The following ADAM12 variants were observed in gnomAD, a reference collection of about 807,000 sequenced individuals.
ADAM12 encodes the protein ADAM metallopeptidase domain 12, also known as disintegrin and metalloproteinase domain-containing protein 12.
ADAM12 carries 70 observed loss-of-function variants against 106.4 expected under a neutral mutation model. That is an observed-to-expected ratio of 0.66 (90% CI 0.54 to 0.80). The LOEUF is 0.80. Ranked by LOEUF, ADAM12 falls within the 30% of genes least tolerant of loss-of-function variation. The pLI, the probability that ADAM12 is intolerant of heterozygous loss-of-function variation, is 0.00. For synonymous variants in ADAM12, 420 were observed against 433.5 expected (o/e 0.97, Z 0.39); for missense variants, 1,010 against 1,171.9 (o/e 0.86, Z 2.02).
chr10:126,278,141 A>G (rs1181718416), intron 3 of ADAM12, among the ~76,000 whole-genome samples: 1 of 152,190 alleles, frequency 6.6e-6, no homozygotes, highest in Non-Finnish European at 1.5e-5. Flanking sequence ...ATTTTGACCA[A>G]GCAGGACTTG....
intron 3 of ADAM12, among the ~76,000 whole-genome samples, chr10:126,237,440 A>C (rs1013343675): frequency 6.6e-6 from 1 of 152,158 alleles, no homozygotes; most frequent in Non-Finnish European, 1.5e-5. Context: ...CATTTCATCT[A>C]TGGCAGCACC....
intron 3 of ADAM12, among the ~76,000 whole-genome samples, chr10:126,277,243 G>A (rs963481780): frequency 1.3e-5 from 2 of 152,048 alleles, no homozygotes; most frequent in African/African-American, 4.8e-5. Flanking sequence ...TCTTCACTGG[G>A]TATGTATATT....
intron 3 of ADAM12, among the ~76,000 whole-genome samples, chr10:126,231,749 C>A (rs1021097905): frequency 1.3e-5 from 2 of 152,206 alleles, no homozygotes; most frequent in African/African-American, 4.8e-5. Flanking sequence ...TGCCTCGGGG[C>A]GGCTGCTCTC....
chr10:126,072,365 C>T (rs141580584), intron 11 of ADAM12, among the ~76,000 whole-genome samples: 635 of 152,250 alleles, frequency 4.2e-3, no homozygotes, highest in Non-Finnish European at 7.4e-3. Context: ...CTGCCCAGCC[C>T]CCATGTACCT....
intron 12 of ADAM12, chr10:126,070,584 C>G (rs1392560001): frequency 1.3e-5 from 2 of 152,198 alleles, no homozygotes; most frequent in Admixed American, 1.3e-4. Flanking sequence ...CAGAGCAGCC[C>G]TTGGAGATGC....
intron 11 of ADAM12, among the ~76,000 whole-genome samples, chr10:126,082,353 T>C (rs912694832): frequency 1.7e-4 from 24 of 142,002 alleles, no homozygotes; most frequent in South Asian, 4.6e-4. Flanking sequence ...GAGAAGACAA[T>C]CTAATGACTG....
intron 14 of ADAM12, among the ~76,000 whole-genome samples, chr10:126,055,333 T>C (rs947677843): frequency 2.0e-5 from 3 of 152,202 alleles, no homozygotes; most frequent in Non-Finnish European, 4.4e-5. Flanking sequence ...GACTTCTCTT[T>C]ATGCCACTCA....
At chr10:126,113,343 T>C (rs1955905660) in intron 6 of ADAM12, among the ~76,000 whole-genome samples, 1 of 151,902 alleles carries the variant, frequency 6.6e-6, no homozygotes, top group Non-Finnish European at 1.5e-5. Flanking sequence ...TCTAAGAGCA[T>C]GGGGGCCTTG....
At chr10:126,387,245 G>T (rs1037676627) in intron 1 of ADAM12, among the ~76,000 whole-genome samples, 6 of 152,256 alleles carry the variant, frequency 3.9e-5, no homozygotes, top group Non-Finnish European at 7.3e-5. Flanking sequence ...GCACCTGCTG[G>T]GTGAGTCCTC....
chr10:126,112,041 A>AT (rs917511446), intron 6 of ADAM12, among the ~76,000 whole-genome samples: 1 of 152,204 alleles, frequency 6.6e-6, no homozygotes, highest in African/African-American at 2.4e-5. Context: ...TGGTATATAC[A>AT]TACACCACGG....
At chr10:126,159,386 G>A (rs369999982) in intron 3 of ADAM12, among the ~76,000 whole-genome samples, 4 of 148,538 alleles carry the variant, frequency 2.7e-5, no homozygotes, top group East Asian at 4.0e-4. Flanking sequence ...AGAATTTAAT[G>A]TAGATTAAGT....
At chr10:126,128,162 G>A (rs1956236769) in intron 5 of ADAM12, among the ~76,000 whole-genome samples, 2 of 152,146 alleles carry the variant, frequency 1.3e-5, no homozygotes, top group Admixed American at 6.5e-5. Context: ...CAAGGAGCAT[G>A]AGACCTGCTC....
chr10:126,211,163 T>C (rs1313243206), intron 3 of ADAM12, among the ~76,000 whole-genome samples: 2 of 151,984 alleles, frequency 1.3e-5, no homozygotes, highest in East Asian at 3.9e-4. Context: ...TGGCTGGAGG[T>C]GATGCCATAG....
chr10:126,094,679 A>G (rs1473104782), intron 10 of ADAM12, among the ~76,000 whole-genome samples: 3 of 152,198 alleles, frequency 2.0e-5, no homozygotes, highest in Non-Finnish European at 2.9e-5. Context: ...AATACTTCAT[A>G]ATAAATCTGA....
At chr10:126,361,700 T>A (rs1399890914) in intron 1 of ADAM12, among the ~76,000 whole-genome samples, 1 of 152,154 alleles carries the variant, frequency 6.6e-6, no homozygotes. Flanking sequence ...TGCAGTCTCT[T>A]CAATAAATGG....
At chr10:126,020,708 C>T (rs576178329) in intron 21 of ADAM12, among the ~76,000 whole-genome samples, 8 of 152,112 alleles carry the variant, frequency 5.3e-5, no homozygotes, top group Non-Finnish European at 8.8e-5. Context: ...AGAAGAAAAA[C>T]GGCGGGGCGT....
At chr10:126,082,917 A>C (rs1199187784) in intron 11 of ADAM12, among the ~76,000 whole-genome samples, 1 of 152,226 alleles carries the variant, frequency 6.6e-6, no homozygotes, top group Non-Finnish European at 1.5e-5. Context: ...GGCCATCTTC[A>C]GGAAAATCTT....
At chr10:126,197,019 T>C (rs552384743) in intron 3 of ADAM12, among the ~76,000 whole-genome samples, 3 of 152,220 alleles carry the variant, frequency 2.0e-5, no homozygotes, top group Non-Finnish European at 4.4e-5. Flanking sequence ...TGACCCATCA[T>C]TTTGGGTAAG....
intron 6 of ADAM12, among the ~76,000 whole-genome samples, chr10:126,114,971 A>G (rs1299721629): frequency 6.6e-6 from 1 of 152,210 alleles, no homozygotes; most frequent in Admixed American, 6.5e-5. Flanking sequence ...TATGGCTACA[A>G]ATACCCCACC....
Sources: gnomAD v4.1 joint callset for allele counts (sites outside exome capture counted in the v4.1 genomes callset) on GRCh38, gnomAD v4.1.1 for gene constraint, MANE v1.5 for transcripts, NCBI Gene and HGNC (gene_info 2026-07-23, HGNC 2026-07-21) for gene names.